EPB41: variants seen among roughly 807,000 people sequenced by gnomAD.
EPB41 encodes protein 4.1.
Under a neutral mutation model 108.0 loss-of-function variants are expected in EPB41, and 65 were observed. That is an observed-to-expected ratio of 0.60 (90% CI 0.49 to 0.74). The LOEUF (loss-of-function observed/expected upper bound fraction) is 0.74, where lower values mean the gene tolerates loss of function less well. Among genes scored for constraint, EPB41 ranks in the 30% least tolerant of loss-of-function variants. EPB41 has a pLI of 0.00. For missense variants in EPB41, 875 were observed against 1,037.0 expected (o/e 0.84, Z 2.15); for synonymous variants, 336 against 358.9 (o/e 0.94, Z 0.72).
intron 1 of EPB41, among the ~76,000 whole-genome samples, chr1:28,916,551 C>T (rs576358723): frequency 1.3e-5 from 2 of 152,212 alleles, no homozygotes; most frequent in Admixed American, 6.5e-5. Flanking sequence ...GCAGGAGAAT[C>T]GCTTGAACCT....
chr1:28,980,718 A>C (rs1026741346), intron 1 of EPB41, among the ~76,000 whole-genome samples: 9 of 152,070 alleles, frequency 5.9e-5, no homozygotes, highest in Non-Finnish European at 1.3e-4. Flanking sequence ...TGTCTCAAAA[A>C]AAGTGCATTA....
At chr1:29,096,686 G>A (rs1424279706) in intron 16 of EPB41, 2 of 759,372 alleles carry the variant, frequency 2.6e-6, no homozygotes, top group Admixed American at 6.3e-5. Flanking sequence ...AGGTGGTGGT[G>A]GTATGGTGAG....
intron 1 of EPB41, among the ~76,000 whole-genome samples, chr1:28,929,950 T>C (rs553408809): frequency 7.2e-4 from 109 of 151,316 alleles, no homozygotes; most frequent in Non-Finnish European, 1.3e-3. Flanking sequence ...AGTGTGTTTA[T>C]GGGGTTGTGC....
chr1:29,081,835 CA>C lies in EPB41; in HGVS notation c.2185-15955del, dbSNP rs34188995. 5.3e-3 allele frequency among the ~76,000 whole-genome samples: 670 copies of C among 126,364 alleles called. 5 individuals are homozygous for C. Among genetic ancestry groups the C allele is most frequent in the African/African-American group, 0.019 (601 of 31,478 alleles). 82.9% of individuals were successfully genotyped at this position (126,364 alleles called of 152,430 possible). ...GGGCAACAAGAGCGAAACTCTGTCT[CA>C]AAAAAAAAAAAAAAAACCTAACACT... On this transcript the variant is annotated intron_variant, in intron 16 of 20. Coordinates refer to ENST00000343067, the MANE Select transcript of EPB41 (RefSeq NM_001376013.1).
intron 11 of EPB41, among the ~76,000 whole-genome samples, chr1:29,042,307 A>G (rs1641825553): frequency 1.3e-5 from 2 of 152,158 alleles, no homozygotes; most frequent in South Asian, 4.1e-4. Flanking sequence ...AACCTAATGG[A>G]GGATATTATA....
intron 4 of EPB41, among the ~76,000 whole-genome samples, chr1:29,004,833 T>C (rs1329200789): frequency 6.6e-6 from 1 of 152,190 alleles, no homozygotes; most frequent in Non-Finnish European, 1.5e-5. Flanking sequence ...AACAGCAGCA[T>C]AAATAAGGTT....
At chr1:28,969,179 G>A (rs1021079501) in intron 1 of EPB41, among the ~76,000 whole-genome samples, 3 of 150,422 alleles carry the variant, frequency 2.0e-5, no homozygotes, top group Admixed American at 6.6e-5. Flanking sequence ...CCACCTCCTC[G>A]GTTCAAGTGA....
intron 1 of EPB41, among the ~76,000 whole-genome samples, chr1:28,921,798 A>G (rs1038522957): frequency 6.6e-6 from 1 of 151,224 alleles, no homozygotes; most frequent in Admixed American, 6.6e-5. Context: ...GCTCTTTGTG[A>G]GGTTATTTTT....
At chr1:28,975,940 C>CAAAAAAAAAAAA (rs775554564) in intron 1 of EPB41, among the ~76,000 whole-genome samples, 5 of 67,578 alleles carry the variant, frequency 7.4e-5, no homozygotes, top group Admixed American at 1.6e-4. Context: ...GACTCCATCT[C>CAAAAAAAAAAAA]AAAAAAAAAA....
intron 1 of EPB41, among the ~76,000 whole-genome samples, chr1:28,922,219 T>G (rs6665217): frequency 4.4e-4 from 67 of 151,812 alleles, no homozygotes; most frequent in African/African-American, 1.6e-3. Flanking sequence ...CCGCCCGCCT[T>G]GGCCTCCCAA....
upstream of EPB41, among the ~76,000 whole-genome samples, chr1:28,913,514 G>A (rs191864078): frequency 1.6e-4 from 25 of 152,294 alleles, no homozygotes; most frequent in Admixed American, 1.6e-3. Flanking sequence ...ATTGAACCCA[G>A]GCAATCTGTT....
Position 29,115,853 on chromosome 1 carries a change from G to A in EPB41, c.*6+50G>A. ...GAGGGTGCCCACAGTCCCAGCCTGA[G>A]AGGGCTCTGGATGGGACCCTCGGAC... On this transcript the variant is annotated intron_variant, in intron 20 of 20. Transcript: ENST00000343067. The surrounding 1 kb of genome is among the most constrained non-coding windows in gnomAD (Gnocchi z 4.4). 1 of 1,436,746 alleles carries A rather than the reference G, an allele frequency of 7.0e-7. No homozygotes were observed. The highest frequency in any genetic ancestry group is 2.3e-5 in the East Asian group (1 of 44,014). 89.0% of individuals were successfully genotyped at this position (1,436,746 alleles called of 1,614,324 possible).
chr1:28,907,463 G>A (rs114214709), intron 1 of EPB41, among the ~76,000 whole-genome samples: 3,796 of 152,102 alleles, frequency 0.025, 154 homozygotes, highest in African/African-American at 0.087. Flanking sequence ...CTCCCAAAGC[G>A]CTGGGATTAC....
intron 1 of EPB41, chr1:28,982,218 A>G: frequency 2.5e-6 from 1 of 405,254 alleles, no homozygotes; most frequent in Middle Eastern, 9.1e-4. Flanking sequence ...TACAAAGGAC[A>G]TGAACTCATC....
chr1:28,984,361 T>A (rs2095825988), intron 1 of EPB41, among the ~76,000 whole-genome samples: 1 of 152,222 alleles, frequency 6.6e-6, no homozygotes, highest in Non-Finnish European at 1.5e-5. Context: ...CCCCTTTGTC[T>A]GTATCAATAG....
intron 1 of EPB41, among the ~76,000 whole-genome samples, chr1:28,965,617 G>C (rs939002585): frequency 1.3e-5 from 2 of 151,900 alleles, no homozygotes; most frequent in African/African-American, 4.8e-5. Flanking sequence ...AATGAAGAAT[G>C]ACCTGGAGGT....
At chr1:29,015,284 G>A (rs1001999542) in intron 5 of EPB41, among the ~76,000 whole-genome samples, 15 of 150,842 alleles carry the variant, frequency 9.9e-5, no homozygotes, top group Non-Finnish European at 1.3e-4. Flanking sequence ...TAGGCTGGGC[G>A]TGGTGGCTCA....
At chr1:28,915,082 G>C (rs1254336127) in intron 1 of EPB41, among the ~76,000 whole-genome samples, 2 of 151,952 alleles carry the variant, frequency 1.3e-5, no homozygotes, top group Admixed American at 6.5e-5. Context: ...GTCAATCACG[G>C]TGCGGTGTGC....
At chr1:28,915,612 G>A (rs2092575256) in intron 1 of EPB41, among the ~76,000 whole-genome samples, 1 of 151,404 alleles carries the variant, frequency 6.6e-6, no homozygotes, top group East Asian at 1.9e-4. Flanking sequence ...TCATCCTGTT[G>A]TTTCTTTAAC....
Sources: gnomAD v4.1 joint callset for allele counts (sites outside exome capture counted in the v4.1 genomes callset) on GRCh38, gnomAD v4.1.1 for gene constraint, Gnocchi (gnomAD v3.1) non-coding constraint, MANE v1.5 for transcripts, NCBI Gene and HGNC (gene_info 2026-07-23, HGNC 2026-07-21) for gene names.